The following LRRFIP1 variants were observed in gnomAD, a reference collection of about 807,000 sequenced individuals.
LRRFIP1 encodes leucine-rich repeat flightless-interacting protein 1.
In LRRFIP1, 62 loss-of-function variants were observed where a neutral mutation model predicts 104.4. The observed-to-expected ratio is 0.59, with a 90% CI of 0.48 to 0.73. The LOEUF (loss-of-function observed/expected upper bound fraction) is 0.73. Ranked by LOEUF, LRRFIP1 falls within the 30% of genes least tolerant of loss-of-function variation. LRRFIP1 has a pLI of 0.00. For missense variants in LRRFIP1, 796 were observed against 824.5 expected (o/e 0.97, Z 0.42); for synonymous variants, 300 against 299.0 (o/e 1.00, Z -0.03).
chr2:237,684,865 T>C (rs889678661), intron 1 of LRRFIP1, among the ~76,000 whole-genome samples: 5 of 151,936 alleles, frequency 3.3e-5, no homozygotes, highest in Non-Finnish European at 7.4e-5. Flanking sequence ...GGTTAGTGGA[T>C]TGCTTGAGCC....
intron 1 of LRRFIP1, among the ~76,000 whole-genome samples, chr2:237,673,471 TGTCTGTACATCCA>T (rs987604131): frequency 1.3e-5 from 2 of 152,354 alleles, no homozygotes; most frequent in African/African-American, 4.8e-5. Flanking sequence ...CTGGGTTTCC[TGTCTGTACATCCA>T]GTGCCGCGCG....
intron 1 of LRRFIP1, among the ~76,000 whole-genome samples, chr2:237,685,059 T>C (rs2092239089): frequency 6.6e-6 from 1 of 151,932 alleles, no homozygotes; most frequent in South Asian, 2.1e-4. Flanking sequence ...GATTGTGCCA[T>C]TGCACTCCAA....
In LRRFIP1 at chr2:237,749,219, C is replaced by T; in HGVS notation, c.690C>T (p.Gly230=). 1.9e-6 allele frequency: 3 copies of T among 1,613,624 alleles called. No homozygotes were observed. Among genetic ancestry groups the T allele is most frequent in the South Asian group, 1.1e-5 (1 of 91,022 alleles). Residue 230 remains glycine, a synonymous_variant, in exon 13 of 24, where the codon GGC becomes GGT. Transcript: ENST00000308482. ...FTEKGSRNMP[G]LSAATLASLG... is the part of the protein sequence containing the mutation. Reference sequence around the variant, plus strand: ...TCCAGGGGTCTCGTAACATGCCGGGCCTGTCTGCAGCCACGCTGGCCTCTC... The same window carrying T: ...TCCAGGGGTCTCGTAACATGCCGGGTCTGTCTGCAGCCACGCTGGCCTCTC...
chr2:237,754,213 G>A (rs943247786), intron 15 of LRRFIP1, among the ~76,000 whole-genome samples: 1 of 151,952 alleles, frequency 6.6e-6, no homozygotes, highest in Admixed American at 6.5e-5. Flanking sequence ...ATAGTTATGA[G>A]TATCAAAGAT....
intron 1 of LRRFIP1, among the ~76,000 whole-genome samples, chr2:237,653,345 GA>G (rs2149406361): frequency 6.6e-6 from 1 of 152,200 alleles, no homozygotes; most frequent in East Asian, 1.9e-4. Context: ...AAAACATGAT[GA>G]AAAAAATTGA....
Position 237,779,779 on chromosome 2 carries a change from A to G in LRRFIP1, c.*247A>G. 1 of 371,598 alleles carries G rather than the reference A, an allele frequency of 2.7e-6. No individual in the cohort carries two copies. Among genetic ancestry groups the G allele is most frequent in the East Asian group, 5.3e-5 (1 of 18,712 alleles). 23.0% of individuals were successfully genotyped at this position (371,598 alleles called of 1,614,324 possible). A position where few individuals can be genotyped will look rare whatever the true frequency, so the allele number is the denominator to read the frequency against. ...CGCTCAGAACCTGCAGGTACTTCAT[A>G]AGCACACAGGGGCCTCGAGGGAGCT... On this transcript the variant is annotated 3_prime_UTR_variant, in exon 24 of 24. Coordinates refer to ENST00000308482, the MANE Select transcript of LRRFIP1 (RefSeq NM_001137550.2).
At position 237,779,414 on chromosome 2, in the gene LRRFIP1, G is replaced by C. The variant is rs754460210; in HGVS notation, c.1813-8G>C. 6.2e-7 allele frequency: 1 copy of C among 1,612,300 alleles called. No individual in the cohort carries two copies. Among genetic ancestry groups the C allele is most frequent in the South Asian group, 1.1e-5 (1 of 90,934 alleles). Reference sequence around the variant, plus strand: ...CCTTAAAGCTCACTGCCTTTCCTCCGTTCCCAGCTCCGCTCTGCATTGGAT... The same window carrying C: ...CCTTAAAGCTCACTGCCTTTCCTCCCTTCCCAGCTCCGCTCTGCATTGGAT... On this transcript the variant is annotated splice_polypyrimidine_tract_variant and splice_region_variant and intron_variant, in intron 23 of 23. Coordinates refer to ENST00000308482, the MANE Select transcript of LRRFIP1 (RefSeq NM_001137550.2).
At position 237,691,395 on chromosome 2, in the gene LRRFIP1, G is replaced by T. The variant is rs1427256121; in HGVS notation, c.97-17149G>T. Among the ~76,000 whole-genome samples the T allele has an allele frequency of 3.3e-5, 5 of 152,172 alleles. No homozygotes were observed. The highest frequency in any genetic ancestry group is 4.4e-5 in the Non-Finnish European group (3 of 68,018). ...GGGTCGTCGCGGCCGCAGCCTGGAC[G>T]GTGTGGACCCCGGGTTCTGCGACGC... On this transcript the variant is annotated intron_variant, in intron 1 of 23. Coordinates refer to ENST00000308482, the MANE Select transcript of LRRFIP1 (RefSeq NM_001137550.2). The surrounding 1 kb of genome is among the most constrained non-coding windows in gnomAD (Gnocchi z 5.4).
intron 8 of LRRFIP1, among the ~76,000 whole-genome samples, chr2:237,732,252 AC>A (rs2095044940): frequency 6.6e-6 from 1 of 151,944 alleles, no homozygotes; most frequent in African/African-American, 2.4e-5. Flanking sequence ...CTCTGAACTC[AC>A]TGGACTGATG....
intron 6 of LRRFIP1, among the ~76,000 whole-genome samples, chr2:237,722,974 A>G (rs754146910): frequency 3.3e-5 from 5 of 152,206 alleles, no homozygotes; most frequent in Admixed American, 6.5e-5. Context: ...GTATTTTAAT[A>G]TTATGAACTT....
chr2:237,701,511 TTC>T (rs2093526918), intron 1 of LRRFIP1, among the ~76,000 whole-genome samples: 1 of 152,240 alleles, frequency 6.6e-6, no homozygotes, highest in Admixed American at 6.5e-5. Context: ...CAATAACTTC[TTC>T]TCTCTCTGGT....
At position 237,760,293 on chromosome 2, in the gene LRRFIP1, C is replaced by T. The variant is rs1404008272; in HGVS notation, c.1459+88C>T. 9.8e-6 allele frequency: 14 copies of T among 1,422,134 alleles called. No individual in the cohort carries two copies. In the East Asian group the frequency reaches 1.2e-4, roughly 12 times the overall value. 88.1% of individuals were successfully genotyped at this position (1,422,134 alleles called of 1,614,324 possible). ...GCACTGCTGGGGTTGGAGCCACCGT[C>T]GCTGATGGGTTAACAGTCACCAGCA... On this transcript the variant is annotated intron_variant, in intron 19 of 23. Coordinates refer to ENST00000308482, the MANE Select transcript of LRRFIP1 (RefSeq NM_001137550.2).
At position 237,763,179 on chromosome 2, in the gene LRRFIP1, C is replaced by T. The variant is rs771082673; in HGVS notation, c.1459+2974C>T. Reference sequence around the variant, plus strand: ...GCAGCTGAGCCCAAGGAGGTTCCAGCGCACAGTACAGAAGTAGGTAGGGAT... The same window carrying T: ...GCAGCTGAGCCCAAGGAGGTTCCAGTGCACAGTACAGAAGTAGGTAGGGAT... On this transcript the variant is annotated intron_variant, in intron 19 of 23. Transcript: ENST00000308482. 4.3e-6 allele frequency: 7 copies of T among 1,613,962 alleles called. No individual in the cohort carries two copies. The East Asian group carries it at 6.7e-5, about 15-fold the overall frequency.
chr2:237,736,440 T>G (rs900197310), intron 10 of LRRFIP1, among the ~76,000 whole-genome samples: 1 of 152,174 alleles, frequency 6.6e-6, no homozygotes. Flanking sequence ...AAAGCACAAC[T>G]AATGATTTTC....
At chr2:237,754,729 A>G (rs1444046665) in intron 15 of LRRFIP1, among the ~76,000 whole-genome samples, 1 of 152,254 alleles carries the variant, frequency 6.6e-6, no homozygotes, top group African/African-American at 2.4e-5. Flanking sequence ...TGAACTCTGC[A>G]AGAGGGGAGC....
chr2:237,725,982 C>G (rs2094732494), intron 7 of LRRFIP1, among the ~76,000 whole-genome samples: 1 of 152,180 alleles, frequency 6.6e-6, no homozygotes, highest in African/African-American at 2.4e-5. Flanking sequence ...TTAACATTAG[C>G]CTTCATTATT....
At chr2:237,648,921 C>G (rs922140302) in intron 1 of LRRFIP1, among the ~76,000 whole-genome samples, 3 of 151,950 alleles carry the variant, frequency 2.0e-5, no homozygotes, top group Non-Finnish European at 4.4e-5. Context: ...TGTTTTCCTT[C>G]TGCTTCCTTT....
At chr2:237,749,431 T>A in intron 13 of LRRFIP1, 107 bp downstream of exon 13, 1 of 1,346,448 alleles carries the variant, frequency 7.4e-7, no homozygotes, top group Non-Finnish European at 1.0e-6. Context: ...TCTTTCTTCT[T>A]GGTCCTCTCT....
At chr2:237,670,757 C>A (rs1282834821) in intron 1 of LRRFIP1, among the ~76,000 whole-genome samples, 2 of 152,228 alleles carry the variant, frequency 1.3e-5, no homozygotes, top group Admixed American at 1.3e-4. Flanking sequence ...CTGCAGGCTG[C>A]GTCCCCTGCC....
Sources: allele counts gnomAD v4.1 joint callset (sites outside exome capture counted in the v4.1 genomes callset), GRCh38; gene constraint gnomAD v4.1.1; non-coding constraint Gnocchi (gnomAD v3.1); transcripts MANE v1.5; gene names NCBI Gene and HGNC (gene_info 2026-07-23, HGNC 2026-07-21).